GAB2: variants seen among roughly 807,000 people sequenced by gnomAD.
GAB2 encodes GRB2-associated-binding protein 2.
A neutral mutation model predicts 65.5 loss-of-function variants in GAB2; 26 were observed. The observed-to-expected ratio is 0.40, with a 90% confidence interval of 0.29 to 0.55. The LOEUF (loss-of-function observed/expected upper bound fraction) is 0.55. GAB2 is among the 20% of genes least tolerant of loss of function. The pLI, the probability that GAB2 is intolerant of heterozygous loss-of-function variation, is 0.53. For synonymous variants in GAB2, 321 were observed against 329.6 expected, an observed-to-expected ratio of 0.97 and a Z score of 0.28; for missense variants, 884 against 875.8, an observed-to-expected ratio of 1.01 and a Z score of -0.12.
intron 1 of GAB2, among the ~76,000 whole-genome samples, chr11:78,337,344 G>A (rs572689419): frequency 6.6e-6 from 1 of 152,304 alleles, no homozygotes; most frequent in East Asian, 1.9e-4. Flanking sequence ...TACTATGCGG[G>A]GGTTTCCTTT....
chr11:78,338,897 T>C (rs1253588291), intron 1 of GAB2, among the ~76,000 whole-genome samples: 1 of 152,088 alleles, frequency 6.6e-6, no homozygotes, highest in African/African-American at 2.4e-5. Flanking sequence ...TACATACTGG[T>C]CATCTTCTCC....
chr11:78,244,075 A>G (rs1590960808), intron 3 of GAB2, among the ~76,000 whole-genome samples: 3 of 152,014 alleles, frequency 2.0e-5, no homozygotes, highest in African/African-American at 7.2e-5. Context: ...AGCACCATCA[A>G]AAACAAAAAA....
rs148881062 is a variant in GAB2, at chr11:78,226,416, C to T, written c.1207+49G>A. On this transcript the variant is annotated intron_variant, in intron 4 of 9. Coordinates refer to ENST00000361507, the MANE Select transcript of GAB2 (RefSeq NM_080491.3). ...AGGACCATCAAACTATTGAGAACCC[C>T]TGTGTTACCTCCTCCTCCCTCTGAG... 1,170 of 1,424,842 alleles carry T rather than the reference C, an allele frequency of 8.2e-4. 5 individuals are homozygous for T. In the African/African-American group the frequency reaches 0.014, roughly 17 times the overall value. The allele number at this position is 1,424,842 out of a possible 1,614,324, so 88.3% of individuals were successfully genotyped here.
At position 78,217,138 on chromosome 11, in the gene GAB2, T is replaced by TC. The variant is rs1555091713; in HGVS notation, c.*2133dup. 3 of 138,572 alleles carry TC rather than the reference T, an allele frequency of 2.2e-5. No individual in the cohort carries two copies. The highest frequency in any genetic ancestry group is 8.9e-5 in the African/African-American group (3 of 33,844). The allele number at this position is 138,572 out of a possible 1,614,324, so 8.6% of individuals were successfully genotyped here. On this transcript the variant is annotated 3_prime_UTR_variant, in exon 10 of 10. Coordinates refer to ENST00000361507, the MANE Select transcript of GAB2 (RefSeq NM_080491.3). ...TTTTCCTAGAATCCACCTTCCCTGA[T>TC]CCCCCACTCCTGCCTCTGACACCAA...
intron 1 of GAB2, among the ~76,000 whole-genome samples, chr11:78,379,241 C>T (rs1345090180): frequency 6.6e-6 from 1 of 152,214 alleles, no homozygotes; most frequent in Non-Finnish European, 1.5e-5. Flanking sequence ...CACAGAGAAG[C>T]TAGCTGATTT....
intron 1 of GAB2, among the ~76,000 whole-genome samples, chr11:78,352,306 C>T (rs892551030): frequency 2.0e-5 from 3 of 152,220 alleles, no homozygotes; most frequent in African/African-American, 7.2e-5. Flanking sequence ...TGCCGACTCC[C>T]AGAAGCCTGG....
At chr11:78,315,673 AT>A (rs1855588497) in intron 1 of GAB2, among the ~76,000 whole-genome samples, 1 of 152,216 alleles carries the variant, frequency 6.6e-6, no homozygotes, top group Admixed American at 6.5e-5. Flanking sequence ...TAAATTGGAC[AT>A]CAAAATTAAA....
intron 3 of GAB2, among the ~76,000 whole-genome samples, chr11:78,241,884 A>G (rs374882213): frequency 1.5e-3 from 236 of 152,368 alleles, no homozygotes; most frequent in African/African-American, 5.4e-3. Context: ...CCTCACTCTC[A>G]GCATGGACAG....
At position 78,225,157 on chromosome 11, in the gene GAB2, C is replaced by G. The variant is rs1864590484; in HGVS notation, c.1253G>C (p.Ser418Thr). 3.7e-6 allele frequency: 6 copies of G among 1,613,620 alleles called. No individual in the cohort carries two copies. The highest frequency in any genetic ancestry group is 5.1e-6 in the Non-Finnish European group (6 of 1,179,618). Residue 418 changes from serine (S) to threonine (T), a missense_variant, in exon 5 of 10, where the codon AGT (serine) becomes ACT (threonine). Physicochemically the swap from Ser to Thr is moderately conservative, Grantham distance 58. Coordinates refer to ENST00000361507, the MANE Select transcript of GAB2 (RefSeq NM_080491.3). ...CATGGATTCAGCAGACCGGCCTGCA[C>G]TCTCTCCACCACGCTGTGGGTACTC... is the stretch of plus-strand genomic sequence containing the variant. Reference protein sequence around the residue: ...TYEYPQRGGESAGRSAESMSD... With the variant: ...TYEYPQRGGETAGRSAESMSD...
At chr11:78,393,584 C>T (rs539052212) in intron 1 of GAB2, among the ~76,000 whole-genome samples, 21 of 152,154 alleles carry the variant, frequency 1.4e-4, no homozygotes, top group African/African-American at 5.1e-4. Context: ...CATCAAAAAG[C>T]CTTACAAATA....
intron 2 of GAB2, among the ~76,000 whole-genome samples, chr11:78,253,990 G>T (rs1017908645): frequency 1.3e-4 from 20 of 152,160 alleles, no homozygotes; most frequent in African/African-American, 4.8e-4. Flanking sequence ...TTGGCTGTGA[G>T]TATGAATAAA....
intron 2 of GAB2, among the ~76,000 whole-genome samples, chr11:78,258,022 G>C (rs562541665): frequency 6.6e-6 from 1 of 152,098 alleles, no homozygotes; most frequent in Non-Finnish European, 1.5e-5. Flanking sequence ...ATATGAGGAT[G>C]GGGGTCCAGG....
chr11:78,276,809 AT>A (rs869183234), intron 2 of GAB2, among the ~76,000 whole-genome samples: 4 of 145,926 alleles, frequency 2.7e-5, no homozygotes, highest in Non-Finnish European at 6.0e-5. Context: ...ATTTTTATTT[AT>A]TTTATTTATT....
chr11:78,358,022 A>C (rs1856382312), intron 1 of GAB2, among the ~76,000 whole-genome samples: 1 of 152,148 alleles, frequency 6.6e-6, no homozygotes, highest in Non-Finnish European at 1.5e-5. Context: ...ACTATTCACA[A>C]TAGCAAAGAC....
At position 78,226,878 on chromosome 11, in the gene GAB2, G is replaced by A. The variant is rs767030392; in HGVS notation, c.794C>T (p.Thr265Ile). The stretch of plus-strand genomic sequence containing the variant: ...GGCCAGGCTGCGGGGGAGGTCGTAG[G>A]TACTGTCTCTGAATTCTGTATTGTG... ...SRHNTEFRDS[T>I]YDLPRSLASH... is the part of the protein sequence containing the mutation. The change falls in exon 4 of 10, where the codon ACC (threonine) becomes ATC (isoleucine). Residue 265 changes from threonine (T) to isoleucine (I), a missense_variant. Thr to Ile is a moderately conservative substitution (Grantham distance 89, BLOSUM62 -1). Transcript: ENST00000361507. The A allele has an allele frequency of 2.5e-6, 4 of 1,614,100 alleles. No homozygotes were observed. In the East Asian group the frequency reaches 6.7e-5, roughly 27 times the overall value.
At chr11:78,296,684 G>A (rs1399171760) in intron 1 of GAB2, among the ~76,000 whole-genome samples, 2 of 152,148 alleles carry the variant, frequency 1.3e-5, no homozygotes, top group South Asian at 4.2e-4. Context: ...GAATGTGCAC[G>A]TCAGGAGACT....
chr11:78,391,881 T>G (rs1856837829), intron 1 of GAB2, among the ~76,000 whole-genome samples: 1 of 152,174 alleles, frequency 6.6e-6, no homozygotes, highest in South Asian at 2.1e-4. Flanking sequence ...TGACCAAAGA[T>G]GTATCGTGAA....
intron 2 of GAB2, among the ~76,000 whole-genome samples, chr11:78,259,406 T>C (rs73511313): frequency 0.026 from 3,895 of 152,282 alleles, 143 homozygotes; most frequent in African/African-American, 0.088. Context: ...CAGTATTTGA[T>C]AGGATTCTAA....
chr11:78,269,029 T>G (rs1865941988), intron 2 of GAB2, among the ~76,000 whole-genome samples: 1 of 143,836 alleles, frequency 7.0e-6, no homozygotes, highest in East Asian at 2.2e-4. Context: ...AAATAACCTT[T>G]TTTTCTTTCT....
Sources: gnomAD v4.1 joint callset for allele counts (sites outside exome capture counted in the v4.1 genomes callset) on GRCh38, gnomAD v4.1.1 for gene constraint, MANE v1.5 for transcripts, NCBI Gene and HGNC (gene_info 2026-07-23, HGNC 2026-07-21) for gene names.